The following MAGI2 variants were observed in gnomAD, a reference collection of about 807,000 sequenced individuals.
MAGI2 encodes membrane associated guanylate kinase, WW and PDZ domain containing 2, also known as membrane-associated guanylate kinase, WW and PDZ domain-containing protein 2.
MAGI2 carries 35 observed loss-of-function variants against 133.3 expected under a neutral mutation model. The ratio of observed to expected loss-of-function variants is 0.26; its 90% CI spans 0.20 to 0.35. The LOEUF is 0.35. Among genes scored for constraint, MAGI2 ranks in the 10% least tolerant of loss-of-function variants. The pLI, the probability that MAGI2 is intolerant of heterozygous loss-of-function variation, is 1.00. For missense variants in MAGI2, 1,636 were observed against 1,863.4 expected (o/e 0.88, Z 2.25); for synonymous variants, 729 against 710.6 (o/e 1.03, Z -0.41).
chr7:78,519,138 A>G (rs1314831082), intron 4 of MAGI2: 3 of 151,986 alleles, frequency 2.0e-5, no homozygotes, highest in Non-Finnish European at 4.4e-5. Context: ...TAAAAAAAAA[A>G]AAAAAAAAAA....
Position 78,461,391 on chromosome 7 carries a change from TGC to T in MAGI2, c.1045+28368_1045+28369del, listed in dbSNP as rs1200937200. On this transcript the variant is annotated intron_variant, in intron 6 of 21. Transcript: ENST00000354212. ...AAATAGATTCCTGGACACGTGTGTG[TGC>T]GTGTGTGTGTGTGTGTGTGTGTGTG... 7.2e-4 allele frequency among the ~76,000 whole-genome samples: 90 copies of T among 124,186 alleles called. 1 individual carries two copies. Among genetic ancestry groups the T allele is most frequent in the Admixed American group, 3.3e-3 (40 of 12,156 alleles). 81.5% of individuals were successfully genotyped at this position (124,186 alleles called of 152,430 possible).
chr7:78,252,460 CA>C (rs1250729053), intron 10 of MAGI2: 2 of 111,972 alleles, frequency 1.8e-5, no homozygotes, highest in Admixed American at 8.3e-5. Flanking sequence ...ATTGGATGTA[CA>C]TAAGCAAAAA....
chr7:78,042,659 G>A lies in MAGI2; in HGVS notation c.3707-22683C>T, dbSNP rs548344077. Among the ~76,000 whole-genome samples, 75 of 152,294 alleles carry A rather than the reference G, an allele frequency of 4.9e-4. 2 individuals are homozygous for A. In the South Asian group the frequency reaches 0.015, roughly 31 times the overall value. The stretch of plus-strand genomic sequence containing the variant: ...TCATAGTTGTTGTGAGGTTTCAATG[G>A]GCTCAATAACTTAGTGTGCCAGGCA... On this transcript the variant is annotated intron_variant, in intron 21 of 21. Transcript: ENST00000354212.
At chr7:79,205,113 G>A (rs150003865) in intron 1 of MAGI2, among the ~76,000 whole-genome samples, 95 of 151,402 alleles carry the variant, frequency 6.3e-4, no homozygotes, top group East Asian at 3.1e-3. Context: ...GCAAATATCC[G>A]TGCATTAGGA....
chr7:78,363,219 C>T (rs1269260421), intron 7 of MAGI2, among the ~76,000 whole-genome samples: 3 of 152,146 alleles, frequency 2.0e-5, no homozygotes, highest in Non-Finnish European at 4.4e-5. Context: ...GGAGGCCGGC[C>T]GCGGTGGCTC....
intron 2 of MAGI2, among the ~76,000 whole-genome samples, chr7:78,986,102 C>T (rs181233156): frequency 9.2e-5 from 14 of 152,180 alleles, no homozygotes; most frequent in Admixed American, 5.9e-4. Context: ...AAGAGTTTGG[C>T]AATTTCAGAA....
chr7:79,268,445 C>T (rs997620987), intron 1 of MAGI2, among the ~76,000 whole-genome samples: 7 of 152,164 alleles, frequency 4.6e-5, no homozygotes, highest in African/African-American at 1.7e-4. Flanking sequence ...TTCTTAGCTG[C>T]TATTTATAAA....
intron 2 of MAGI2, among the ~76,000 whole-genome samples, chr7:78,986,038 G>T (rs569305298): frequency 6.6e-6 from 1 of 151,978 alleles, no homozygotes; most frequent in Non-Finnish European, 1.5e-5. Flanking sequence ...CAGTTACTGC[G>T]CTGTGTTTAT....
At chr7:78,774,461 C>T (rs562378504) in intron 2 of MAGI2, among the ~76,000 whole-genome samples, 1 of 152,322 alleles carries the variant, frequency 6.6e-6, no homozygotes, top group East Asian at 1.9e-4. Flanking sequence ...TCTTCTCTCT[C>T]TCAGTGGCTG....
intron 2 of MAGI2, among the ~76,000 whole-genome samples, chr7:78,794,664 T>A (rs2151376282): frequency 6.6e-6 from 1 of 152,260 alleles, no homozygotes; most frequent in Middle Eastern, 3.4e-3. Context: ...TCACGAAAAT[T>A]TGATTTTATA....
In MAGI2 at chr7:78,432,394, C is replaced by T. The variant is rs540172496; in HGVS notation, c.1045+57367G>A. On this transcript the variant is annotated intron_variant, in intron 6 of 21. Transcript: ENST00000354212. ...GATTGTAGTTCTAACCGTGCTTAGA[C>T]ACGTAGTAAACAAATGCCCCACACA... Among the ~76,000 whole-genome samples the T allele has an allele frequency of 7.2e-5, 11 of 152,164 alleles. 1 individual carries two copies. The South Asian group carries it at 2.3e-3, about 32-fold the overall frequency.
At chr7:78,293,073 A>C (rs578185530) in intron 9 of MAGI2, among the ~76,000 whole-genome samples, 2 of 152,348 alleles carry the variant, frequency 1.3e-5, no homozygotes, top group African/African-American at 2.4e-5. Context: ...CAAAAGCCCA[A>C]ATTGACAAAT....
At chr7:79,104,838 A>T (rs946728147) in intron 1 of MAGI2, among the ~76,000 whole-genome samples, 1 of 152,176 alleles carries the variant, frequency 6.6e-6, no homozygotes, top group African/African-American at 2.4e-5. Context: ...ACTATTCCTA[A>T]ACCTGTCAGT....
intron 9 of MAGI2, among the ~76,000 whole-genome samples, chr7:78,275,341 G>A (rs1267102971): frequency 6.6e-6 from 1 of 152,194 alleles, no homozygotes; most frequent in Admixed American, 6.5e-5. Flanking sequence ...GAAATCACCT[G>A]CCTCGATCTC....
Position 78,447,556 on chromosome 7 carries a change from G to A in MAGI2, c.1045+42205C>T, listed in dbSNP as rs143097656. Among the ~76,000 whole-genome samples the A allele has an allele frequency of 6.0e-3, 914 of 152,168 alleles. 6 individuals are homozygous for A. Among genetic ancestry groups the A allele is most frequent in the Non-Finnish European group, 7.4e-3 (503 of 67,980 alleles). On this transcript the variant is annotated intron_variant, in intron 6 of 21. Transcript: ENST00000354212. The stretch of plus-strand genomic sequence containing the variant: ...ACCCAATGGGGATCTGGAGGTCAGC[G>A]GGGGAGGTATGGCTGGGAAGCATGT...
chr7:78,574,902 T>C (rs1161649576), intron 3 of MAGI2, among the ~76,000 whole-genome samples: 1 of 152,244 alleles, frequency 6.6e-6, no homozygotes, highest in Non-Finnish European at 1.5e-5. Flanking sequence ...GTAAATGTAT[T>C]AAGTGTTATC....
intron 2 of MAGI2, among the ~76,000 whole-genome samples, chr7:78,961,525 A>G (rs898751548): frequency 5.9e-5 from 9 of 152,284 alleles, no homozygotes; most frequent in Admixed American, 4.6e-4. Context: ...GACAAAAAGA[A>G]AAATTTTAAT....
At chr7:78,425,940 T>C (rs1011313538) in intron 6 of MAGI2, among the ~76,000 whole-genome samples, 2 of 152,036 alleles carry the variant, frequency 1.3e-5, no homozygotes, top group African/African-American at 4.8e-5. Flanking sequence ...TAATTCACAG[T>C]ATAATAAAAA....
chr7:79,315,325 A>ATTTTTTTTTTTTTTTTT (rs775143230), intron 1 of MAGI2, among the ~76,000 whole-genome samples: 1 of 92,496 alleles, frequency 1.1e-5, no homozygotes, highest in African/African-American at 3.3e-5. Flanking sequence ...TGCCCAGTTA[A>ATTTTTTTTTTTTTTTTT]TTTTTTTTTT....
Sources: allele counts gnomAD v4.1 joint callset (sites outside exome capture counted in the v4.1 genomes callset), GRCh38; gene constraint gnomAD v4.1.1; transcripts MANE v1.5; gene names NCBI Gene and HGNC (gene_info 2026-07-23, HGNC 2026-07-21).